Variants in KIRREL3 observed in about 807,000 individuals in gnomAD.
The protein encoded by KIRREL3 is kin of IRRE-like protein 3.
In KIRREL3, 36 loss-of-function variants were observed where a neutral mutation model predicts 89.7. The ratio of observed to expected loss-of-function variants is 0.40; its 90% CI spans 0.31 to 0.53. KIRREL3 has a LOEUF of 0.53. KIRREL3 is among the 20% of genes least tolerant of loss of function. The probability of loss-of-function intolerance (pLI) is 0.49; values close to 1 mark genes in which losing one functional copy is unlikely to be tolerated. For missense variants in KIRREL3, 864 were observed against 1,056.6 expected (o/e 0.82, Z 2.53); for synonymous variants, 445 against 441.4 (o/e 1.01, Z -0.10).
In KIRREL3 at chr11:126,797,349, G is replaced by T. The variant is rs74329181; in HGVS notation, c.55+203106C>A. ...GCATCAAATGCATCTGATTCTCAGC[G>T]TAATATCTGGCACAGAGAAGCACTG... On this transcript the variant is annotated intron_variant, in intron 1 of 16. Coordinates refer to ENST00000525144, the MANE Select transcript of KIRREL3 (RefSeq NM_032531.4). This position sits in a 1 kb window ranked among gnomAD's most constrained non-coding sequence, Gnocchi z 4.9. Among the ~76,000 whole-genome samples the T allele has an allele frequency of 7.0e-3, 1,069 of 152,306 alleles. 16 individuals carry two copies. Among genetic ancestry groups the T allele is most frequent in the African/African-American group, 0.023 (957 of 41,554 alleles).
At chr11:126,762,586 C>G (rs191565508) in intron 1 of KIRREL3, among the ~76,000 whole-genome samples, 1 of 152,168 alleles carries the variant, frequency 6.6e-6, no homozygotes, top group African/African-American at 2.4e-5. Flanking sequence ...CTCACCTCCC[C>G]GTTGACCAGA....
At chr11:126,481,608 C>T (rs970226126) in intron 4 of KIRREL3, among the ~76,000 whole-genome samples, 1 of 152,232 alleles carries the variant, frequency 6.6e-6, no homozygotes, top group Non-Finnish European at 1.5e-5. Flanking sequence ...TTCTGGATTC[C>T]ACTCTCAGTC....
In KIRREL3 at chr11:126,748,630, C is replaced by A. The variant is rs1046813397; in HGVS notation, c.56-185718G>T. ...TGTGGCAGGAAAGAAGAGGCCTCTGCGGGAAGGGGGCAGGGGCAGGAAGGC... is the reference window on the plus strand; with the variant it reads ...TGTGGCAGGAAAGAAGAGGCCTCTGAGGGAAGGGGGCAGGGGCAGGAAGGC... On this transcript the variant is annotated intron_variant, in intron 1 of 16. Coordinates refer to ENST00000525144, the MANE Select transcript of KIRREL3 (RefSeq NM_032531.4). This position sits in a 1 kb window ranked among gnomAD's most constrained non-coding sequence, Gnocchi z 4.6. 3.3e-5 allele frequency among the ~76,000 whole-genome samples: 5 copies of A among 151,926 alleles called. No homozygotes were observed. The highest frequency in any genetic ancestry group is 5.9e-5 in the Non-Finnish European group (4 of 68,010).
At chr11:126,749,133 G>A (rs542232702) in intron 1 of KIRREL3, among the ~76,000 whole-genome samples, 13 of 152,176 alleles carry the variant, frequency 8.5e-5, no homozygotes, top group African/African-American at 2.9e-4. Context: ...TCCATCTCCC[G>A]CTCCAAGTTG....
In KIRREL3 at chr11:126,997,743, C is replaced by A. The variant is rs1001588519; in HGVS notation, c.55+2712G>T. ...TGGAGCACTCTCTCTGCACGGGGAC[C>A]AAGATACTGGGAGCATGGAGCTTGG... On this transcript the variant is annotated intron_variant, in intron 1 of 16. Coordinates refer to ENST00000525144, the MANE Select transcript of KIRREL3 (RefSeq NM_032531.4). The surrounding 1 kb of genome is among the most constrained non-coding windows in gnomAD (Gnocchi z 4.3). Among the ~76,000 whole-genome samples the A allele has an allele frequency of 6.6e-6, 1 of 152,152 alleles. No homozygotes were observed. Among genetic ancestry groups the A allele is most frequent in the Admixed American group, 6.5e-5 (1 of 15,274 alleles).
In KIRREL3 at chr11:126,428,687, C is replaced by T. The variant is rs1368861259; in HGVS notation, c.1806+492G>A. 6.6e-6 allele frequency among the ~76,000 whole-genome samples: 1 copy of T among 152,116 alleles called. No individual in the cohort carries two copies. The highest frequency in any genetic ancestry group is 1.5e-5 in the Non-Finnish European group (1 of 68,022). On this transcript the variant is annotated intron_variant, in intron 15 of 16. Transcript: ENST00000525144. This position sits in a 1 kb window ranked among gnomAD's most constrained non-coding sequence, Gnocchi z 6.4. Reference sequence around the variant, plus strand: ...GTTTTGAGATGGAGTCTCGCTCTCACCCAGGCTGGGGTGCAGTGGCCTGAT... The same window carrying T: ...GTTTTGAGATGGAGTCTCGCTCTCATCCAGGCTGGGGTGCAGTGGCCTGAT...
intron 1 of KIRREL3, among the ~76,000 whole-genome samples, chr11:126,865,843 G>A (rs549418801): frequency 7.9e-5 from 12 of 152,016 alleles, no homozygotes; most frequent in Admixed American, 2.0e-4. Context: ...ACTTATATAT[G>A]TTTCAGAACA....
Position 126,995,341 on chromosome 11 carries a change from C to T in KIRREL3, c.55+5114G>A, listed in dbSNP as rs769152222. On this transcript the variant is annotated intron_variant, in intron 1 of 16. Coordinates refer to ENST00000525144, the MANE Select transcript of KIRREL3 (RefSeq NM_032531.4). The surrounding 1 kb of genome is among the most constrained non-coding windows in gnomAD (Gnocchi z 6.5). ...GTTGAAGTGTGCATTCCAGCATGCT[C>T]ATGATCTTACTGACCTTCTCCACTG... 6.6e-6 allele frequency: 3 copies of T among 456,100 alleles called. No homozygotes were observed. Among genetic ancestry groups the T allele is most frequent in the Admixed American group, 2.4e-5 (1 of 42,552 alleles). 28.3% of individuals were successfully genotyped at this position (456,100 alleles called of 1,614,324 possible). A position where few individuals can be genotyped will look rare whatever the true frequency, so the allele number is the denominator to read the frequency against.
chr11:126,959,280 GTATC>G (rs948178692), intron 1 of KIRREL3, among the ~76,000 whole-genome samples: 3 of 151,652 alleles, frequency 2.0e-5, no homozygotes, highest in East Asian at 1.9e-4. Context: ...ATCTATCTGT[GTATC>G]TATCTATCTA....
At chr11:126,451,820 T>C (rs945761968) in intron 7 of KIRREL3, among the ~76,000 whole-genome samples, 3 of 152,198 alleles carry the variant, frequency 2.0e-5, no homozygotes, top group African/African-American at 7.2e-5. Flanking sequence ...CAACATTCTT[T>C]TTTTTGAAAC....
intron 1 of KIRREL3, among the ~76,000 whole-genome samples, chr11:126,806,369 C>T (rs1446645129): frequency 6.6e-6 from 1 of 152,208 alleles, no homozygotes; most frequent in East Asian, 1.9e-4. Context: ...CAGTCATCTT[C>T]TCCTACAGAT....
At chr11:126,762,481 AG>A (rs1266428757) in intron 1 of KIRREL3, among the ~76,000 whole-genome samples, 1 of 152,224 alleles carries the variant, frequency 6.6e-6, no homozygotes, top group East Asian at 1.9e-4. Flanking sequence ...TTCATTCCCC[AG>A]CCTCCCTTGC....
chr11:126,756,785 G>A (rs1949517055), intron 1 of KIRREL3, among the ~76,000 whole-genome samples: 1 of 152,154 alleles, frequency 6.6e-6, no homozygotes, highest in African/African-American at 2.4e-5. Flanking sequence ...CCTTTGCTTT[G>A]AGCAGTGTAT....
rs116541738 is a variant in KIRREL3 at position 126,508,503 on chromosome 11, C to T, written c.433+12812G>A. Among the ~76,000 whole-genome samples, 1,972 of 152,204 alleles carry T rather than the reference C, an allele frequency of 0.013. 38 individuals are homozygous for T. The highest frequency in any genetic ancestry group is 0.044 in the African/African-American group (1,841 of 41,516). Reference sequence around the variant, plus strand: ...TTTTGGAAGCCTTGGGTTTGCTCTTCGAGCCGACTCCCCGATTCCATGAGC... The same window carrying T: ...TTTTGGAAGCCTTGGGTTTGCTCTTTGAGCCGACTCCCCGATTCCATGAGC... On this transcript the variant is annotated intron_variant, in intron 4 of 16. Coordinates refer to ENST00000525144, the MANE Select transcript of KIRREL3 (RefSeq NM_032531.4). The surrounding 1 kb of genome is among the most constrained non-coding windows in gnomAD (Gnocchi z 4.9).
chr11:126,787,538 G>A (rs564621852), intron 1 of KIRREL3, among the ~76,000 whole-genome samples: 1 of 152,152 alleles, frequency 6.6e-6, no homozygotes, highest in East Asian at 1.9e-4. Flanking sequence ...TTCTTTTCAT[G>A]TTTTTCACTA....
At chr11:126,718,971 C>T (rs1948070508) in intron 1 of KIRREL3, among the ~76,000 whole-genome samples, 1 of 152,218 alleles carries the variant, frequency 6.6e-6, no homozygotes, top group Non-Finnish European at 1.5e-5. Context: ...AGTCATCATT[C>T]CCCCTTTATT....
chr11:126,482,936 A>G (rs996087142), intron 4 of KIRREL3, among the ~76,000 whole-genome samples: 10 of 152,254 alleles, frequency 6.6e-5, no homozygotes, highest in Non-Finnish European at 1.5e-4. Context: ...GTGGTTTATT[A>G]TGCAGTATCT....
chr11:126,625,094 T>C (rs1292930218), intron 1 of KIRREL3, among the ~76,000 whole-genome samples: 1 of 152,224 alleles, frequency 6.6e-6, no homozygotes, highest in East Asian at 1.9e-4. Flanking sequence ...ATATCCCTGA[T>C]GATAATGCAG....
chr11:126,840,504 C>G (rs139717980), intron 1 of KIRREL3, among the ~76,000 whole-genome samples: 11 of 152,168 alleles, frequency 7.2e-5, no homozygotes, highest in Non-Finnish European at 1.2e-4. Context: ...CAAAAGGCCA[C>G]GCTTTCCCAC....
Sources: gnomAD v4.1 joint callset for allele counts (sites outside exome capture counted in the v4.1 genomes callset) on GRCh38, gnomAD v4.1.1 for gene constraint, Gnocchi (gnomAD v3.1) non-coding constraint, MANE v1.5 for transcripts, NCBI Gene and HGNC (gene_info 2026-07-23, HGNC 2026-07-21) for gene names.